SEMA6D: variants seen among roughly 807,000 people sequenced by gnomAD.
The protein encoded by SEMA6D is semaphorin-6D.
SEMA6D carries 35 observed loss-of-function variants against 106.6 expected under a neutral mutation model. That is an observed-to-expected ratio of 0.33 (90% CI 0.25 to 0.44). The LOEUF (loss-of-function observed/expected upper bound fraction) is 0.44. Among genes scored for constraint, SEMA6D ranks in the 20% least tolerant of loss-of-function variants. SEMA6D has a pLI of 1.00. For missense variants in SEMA6D, 1,185 were observed against 1,345.9 expected (o/e 0.88, Z 1.87); for synonymous variants, 499 against 487.7 (o/e 1.02, Z -0.31).
At chr15:47,369,717 A>G (rs981129497) in intron 1 of SEMA6D, among the ~76,000 whole-genome samples, 3 of 152,214 alleles carry the variant, frequency 2.0e-5, no homozygotes, top group African/African-American at 4.8e-5. Context: ...TTATTGACAT[A>G]AGAATAAAGG....
chr15:47,249,695 A>T (rs991442306), intron 1 of SEMA6D, among the ~76,000 whole-genome samples: 5 of 152,208 alleles, frequency 3.3e-5, no homozygotes, highest in African/African-American at 1.2e-4. Context: ...AGCATAGAAT[A>T]GGTGGTGGCT....
chr15:47,601,587 A>G (rs564203788), intron 4 of SEMA6D, among the ~76,000 whole-genome samples: 20 of 152,304 alleles, frequency 1.3e-4, no homozygotes, highest in African/African-American at 4.6e-4. Flanking sequence ...AAGCAGCTCT[A>G]TTTTTAATGA....
chr15:47,671,869 AC>A (rs1293712490), intron 4 of SEMA6D, among the ~76,000 whole-genome samples: 2 of 152,152 alleles, frequency 1.3e-5, no homozygotes, highest in Non-Finnish European at 2.9e-5. Flanking sequence ...GGAAGTAAGG[AC>A]ATTCTGCTTT....
intron 1 of SEMA6D, among the ~76,000 whole-genome samples, chr15:47,380,105 G>T (rs1242408718): frequency 6.6e-6 from 1 of 152,136 alleles, no homozygotes; most frequent in African/African-American, 2.4e-5. Flanking sequence ...AAATATAGAA[G>T]AAGCTCTTAC....
At chr15:47,228,293 G>A (rs1474533439) in intron 1 of SEMA6D, among the ~76,000 whole-genome samples, 1 of 151,658 alleles carries the variant, frequency 6.6e-6, no homozygotes, top group Non-Finnish European at 1.5e-5. Context: ...GGTTTTGTAT[G>A]AAGACAAATG....
chr15:47,564,831 C>G (rs931509069), intron 3 of SEMA6D, among the ~76,000 whole-genome samples: 1 of 152,158 alleles, frequency 6.6e-6, no homozygotes, highest in African/African-American at 2.4e-5. Context: ...CCAGACTCAG[C>G]CAGCAGAGAG....
intron 3 of SEMA6D, among the ~76,000 whole-genome samples, chr15:47,487,340 C>T (rs766591881): frequency 2.6e-5 from 4 of 152,130 alleles, no homozygotes; most frequent in Non-Finnish European, 5.9e-5. Context: ...TCCCTCCAAC[C>T]CCTCTTCTTC....
intron 1 of SEMA6D, chr15:47,339,316 C>A (rs2037710047): frequency 6.6e-6 from 1 of 152,220 alleles, no homozygotes; most frequent in Non-Finnish European, 1.5e-5. Flanking sequence ...GGGGCCCAGA[C>A]TTGTGACTGG....
At chr15:47,314,967 A>G (rs62000219) in intron 1 of SEMA6D, among the ~76,000 whole-genome samples, 63,101 of 141,228 alleles carry the variant, frequency 0.45, 15,815 homozygotes, top group Non-Finnish European at 0.56. Context: ...CCGGGTTCAC[A>G]CCATTCTCCT....
intron 3 of SEMA6D, among the ~76,000 whole-genome samples, chr15:47,535,687 AT>A (rs1653705583): frequency 1.3e-5 from 2 of 151,924 alleles, no homozygotes; most frequent in South Asian, 2.1e-4. Flanking sequence ...CAAAAAAAAA[AT>A]AAATTAAGAC....
intron 1 of SEMA6D, among the ~76,000 whole-genome samples, chr15:47,404,539 A>G (rs1286766700): frequency 6.6e-6 from 1 of 152,100 alleles, no homozygotes; most frequent in Non-Finnish European, 1.5e-5. Context: ...TAAGACCTTT[A>G]ATGCTGTGAC....
intron 1 of SEMA6D, among the ~76,000 whole-genome samples, chr15:47,723,726 T>G (rs913274206): frequency 5.3e-5 from 8 of 152,060 alleles, no homozygotes; most frequent in Non-Finnish European, 8.8e-5. Context: ...TTATTCAGGA[T>G]CTCTATGAGA....
chr15:47,475,532 A>T (rs1350925764), intron 3 of SEMA6D, among the ~76,000 whole-genome samples: 2 of 152,096 alleles, frequency 1.3e-5, no homozygotes, highest in Non-Finnish European at 2.9e-5. Flanking sequence ...GCCCCCATAC[A>T]CTCAATCCTT....
At chr15:47,669,248 A>C (rs185829610) in intron 4 of SEMA6D, among the ~76,000 whole-genome samples, 73 of 152,206 alleles carry the variant, frequency 4.8e-4, no homozygotes, top group African/African-American at 1.7e-3. Context: ...GCTTATTTTA[A>C]AATTTCCTCT....
intron 11 of SEMA6D, 33 bp from the exon 12 acceptor site, chr15:47,764,605 C>T (rs777845395): frequency 2.7e-5 from 43 of 1,610,232 alleles, no homozygotes; most frequent in South Asian, 4.4e-5. Context: ...CAGGGGCAGC[C>T]GAGAGCATAA....
chr15:47,192,128 G>A (rs567557485), intron 1 of SEMA6D, among the ~76,000 whole-genome samples: 1 of 152,246 alleles, frequency 6.6e-6, no homozygotes, highest in African/African-American at 2.4e-5. Flanking sequence ...TGCTTCCTGA[G>A]TCTATATGAT....
At chr15:47,634,732 T>C (rs1240828860) in intron 4 of SEMA6D, among the ~76,000 whole-genome samples, 1 of 151,674 alleles carries the variant, frequency 6.6e-6, no homozygotes, top group Non-Finnish European at 1.5e-5. Context: ...GCACTGCCTC[T>C]GTCTGTCAGG....
At chr15:47,345,138 A>C (rs995697942) in intron 1 of SEMA6D, among the ~76,000 whole-genome samples, 1 of 152,234 alleles carries the variant, frequency 6.6e-6, no homozygotes, top group Non-Finnish European at 1.5e-5. Flanking sequence ...TTAAGATATC[A>C]ATTTATCCAT....
intron 2 of SEMA6D, among the ~76,000 whole-genome samples, chr15:47,463,293 T>A (rs1358272384): frequency 2.6e-5 from 4 of 152,148 alleles, no homozygotes; most frequent in African/African-American, 9.6e-5. Flanking sequence ...TCCTTCACAG[T>A]TATCCACATA....
Sources: gnomAD v4.1 joint callset for allele counts (sites outside exome capture counted in the v4.1 genomes callset) on GRCh38, gnomAD v4.1.1 for gene constraint, MANE v1.5 for transcripts, NCBI Gene and HGNC (gene_info 2026-07-23, HGNC 2026-07-21) for gene names.